TBC1D24: variants seen among roughly 807,000 people sequenced by gnomAD.
The protein encoded by TBC1D24 is TBC1 domain family member 24.
A neutral mutation model predicts 50.7 loss-of-function variants in TBC1D24; 47 were observed. The observed-to-expected ratio is 0.93, with a 90% confidence interval of 0.73 to 1.18. TBC1D24 has a LOEUF of 1.18. Ranked by LOEUF, TBC1D24 falls within the 50% of genes most tolerant of loss-of-function variation. TBC1D24 has a pLI of 0.00. For missense variants in TBC1D24, 688 were observed against 766.5 expected (o/e 0.90, Z 1.21); for synonymous variants, 324 against 335.2 (o/e 0.97, Z 0.36).
Position 2,485,244 on chromosome 16 carries a change from C to T in TBC1D24, c.-116+10074C>T, listed in dbSNP as rs139703676. 258 of 152,234 alleles carry T rather than the reference C, an allele frequency of 1.7e-3. 2 individuals carry two copies. Among genetic ancestry groups the T allele is most frequent in the Middle Eastern group, 3.4e-3 (1 of 296 alleles). The allele number at this position is 152,234 out of a possible 1,614,324, so 9.4% of individuals were successfully genotyped here. A position where few individuals can be genotyped will look rare whatever the true frequency, so the allele number is the denominator to read the frequency against. ...ACTGGAAAGACCAAGGCAGGATTAG[C>T]GGGTTAGAACTTTCAGCCCCACCCC... On this transcript the variant is annotated intron_variant, in intron 1 of 7. Coordinates refer to ENST00000646147, the MANE Select transcript of TBC1D24 (RefSeq NM_001199107.2). The surrounding 1 kb of genome is among the most constrained non-coding windows in gnomAD (Gnocchi z 4.6).
At position 2,496,447 on chromosome 16, in the gene TBC1D24, A is replaced by G. The variant is rs1433544007; in HGVS notation, c.299A>G (p.Gln100Arg). ...LPLPEFVDNT[Q>R]VPSYCLNARG... ...CTGCCCGAGTTCGTGGACAACACGC[A>G]GGTGCCCAGCTACTGCCTGAATGCA... is the stretch of plus-strand genomic sequence containing the variant. The change falls in exon 2 of 8, where the codon CAG becomes CGG. Residue 100 changes from glutamine to arginine, a missense_variant. Coordinates refer to ENST00000646147, the MANE Select transcript of TBC1D24 (RefSeq NM_001199107.2). 2.5e-6 allele frequency: 4 copies of G among 1,612,476 alleles called. No individual in the cohort carries two copies. The highest frequency in any genetic ancestry group is 2.7e-5 in the African/African-American group (2 of 74,944).
At chr16:2,493,311 T>G (rs1275344517) in intron 1 of TBC1D24, among the ~76,000 whole-genome samples, 3 of 151,822 alleles carry the variant, frequency 2.0e-5, no homozygotes, top group Non-Finnish European at 2.9e-5. Context: ...GCTAGTTTTT[T>G]TGTATTTTTA....
intron 1 of TBC1D24, chr16:2,476,862 A>G (rs1459191975): frequency 6.6e-6 from 1 of 152,260 alleles, no homozygotes. Context: ...CCTGTAGGGT[A>G]GCCTTACTAG....
chr16:2,491,029 C>T (rs1275082682), intron 1 of TBC1D24, among the ~76,000 whole-genome samples: 2 of 152,192 alleles, frequency 1.3e-5, no homozygotes, highest in African/African-American at 2.4e-5. Flanking sequence ...CACTCAAGCC[C>T]ATAAGTGCTC....
chr16:2,496,427 C>A lies in TBC1D24; in HGVS notation c.279C>A (p.Pro93=), dbSNP rs1021608042. Residue 93 remains proline, a synonymous_variant, in exon 2 of 8, where the codon CCC becomes CCA. Transcript: ENST00000646147. The stretch of plus-strand genomic sequence containing the variant: ...ACAGCAGCAGCTGCCTGCCGCTGCC[C>A]GAGTTCGTGGACAACACGCAGGTGC... ...GKHSSSCLPL[P]EFVDNTQVPS... is the part of the protein sequence containing the mutation. The A allele has an allele frequency of 1.2e-6, 2 of 1,612,858 alleles. No individual in the cohort carries two copies. The highest frequency in any genetic ancestry group is 1.7e-6 in the Non-Finnish European group (2 of 1,179,960).
At position 2,475,604 on chromosome 16, in the gene TBC1D24, GGCCCC is replaced by G. The variant is rs530408088; in HGVS notation, c.-116+449_-116+453del. ...GCCCTGTGGACCTGCAGCGGCCCCG[GGCCCC>G]GCCCCGCCCCGCCCAGGGATGACAC... is the stretch of plus-strand genomic sequence containing the variant. On this transcript the variant is annotated intron_variant, in intron 1 of 7. Coordinates refer to ENST00000646147, the MANE Select transcript of TBC1D24 (RefSeq NM_001199107.2). This position sits in a 1 kb window ranked among gnomAD's most constrained non-coding sequence, Gnocchi z 4.2. 6.0e-5 allele frequency among the ~76,000 whole-genome samples: 9 copies of G among 151,208 alleles called. No individual in the cohort carries two copies. The South Asian group carries it at 1.7e-3, about 28-fold the overall frequency.
chr16:2,496,173 T>A lies in TBC1D24; in HGVS notation c.25T>A (p.Phe9Ile), dbSNP rs1367059488. 1 of 1,613,768 alleles carries A rather than the reference T, an allele frequency of 6.2e-7. No homozygotes were observed. Among genetic ancestry groups the A allele is most frequent in the African/African-American group, 1.3e-5 (1 of 74,914 alleles). Residue 9 changes from phenylalanine to isoleucine, a missense_variant, in exon 2 of 8, where the codon TTC becomes ATC. Phe to Ile is a conservative substitution (Grantham distance 21). Coordinates refer to ENST00000646147, the MANE Select transcript of TBC1D24 (RefSeq NM_001199107.2). ...TATGGACTCTCCAGGATACAACTGC[T>A]TCGTGGACAAAGACAAGATGGACGC... Reference protein sequence around the residue: MDSPGYNCFVDKDKMDAAI... With the variant: MDSPGYNCIVDKDKMDAAI...
intron 4 of TBC1D24, 27 bp downstream of exon 4, chr16:2,498,423 C>T (rs768896780): frequency 7.0e-6 from 11 of 1,580,860 alleles, no homozygotes; most frequent in African/African-American, 6.7e-5. Flanking sequence ...CCAGAGCGGG[C>T]GGCAGAGCCG....
intron 1 of TBC1D24, among the ~76,000 whole-genome samples, chr16:2,491,266 T>A (rs1471434336): frequency 6.6e-6 from 1 of 152,264 alleles, no homozygotes; most frequent in Admixed American, 6.5e-5. Flanking sequence ...TGGTACTATT[T>A]GACTTTTTGT....
rs1400165650 is a variant in TBC1D24 at position 2,496,568 on chromosome 16, G to A, written c.420G>A (p.Leu140=). ...CCGCCCTGCCGGCCGTGGTGGCCCT[G>A]CTGCTGCACTACAGCATCGACGAGG... ...FCPALPAVVA[L]LLHYSIDEAE... Residue 140 remains leucine (L), a synonymous_variant, in exon 2 of 8, where the codon CTG becomes CTA. Coordinates refer to ENST00000646147, the MANE Select transcript of TBC1D24 (RefSeq NM_001199107.2). The A allele has an allele frequency of 6.8e-6, 11 of 1,608,958 alleles. No homozygotes were observed. The highest frequency in any genetic ancestry group is 5.5e-5 in the South Asian group (5 of 91,080).
chr16:2,493,296 G>A (rs1248098435), intron 1 of TBC1D24, among the ~76,000 whole-genome samples: 2 of 151,512 alleles, frequency 1.3e-5, no homozygotes, highest in South Asian at 2.1e-4. Context: ...CCGCAACCAC[G>A]CCCGGCTAGT....
chr16:2,493,606 C>G (rs191115160), intron 1 of TBC1D24: 4 of 152,212 alleles, frequency 2.6e-5, no homozygotes, highest in African/African-American at 7.2e-5. Context: ...GGTGAATGTT[C>G]TAGCTGCAAG....
Position 2,501,047 on chromosome 16 carries a change from C to A in TBC1D24, c.*89C>A. ...GGCAGCAGAGAGCAGATGAAACCCCCATGTGGTAGGCAGGGTTGGGGGACG... is the reference window on the plus strand; with the variant it reads ...GGCAGCAGAGAGCAGATGAAACCCCAATGTGGTAGGCAGGGTTGGGGGACG... On this transcript the variant is annotated 3_prime_UTR_variant, in exon 8 of 8. Coordinates refer to ENST00000646147, the MANE Select transcript of TBC1D24 (RefSeq NM_001199107.2). The A allele has an allele frequency of 6.5e-7, 1 of 1,542,302 alleles. No individual in the cohort carries two copies. The highest frequency in any genetic ancestry group is 8.8e-7 in the Non-Finnish European group (1 of 1,137,804).
At position 2,496,186 on chromosome 16, in the gene TBC1D24, A is replaced by G. The variant is rs1215143722; in HGVS notation, c.38A>G (p.Asp13Gly). 6.2e-7 allele frequency: 1 copy of G among 1,613,870 alleles called. No homozygotes were observed. Among genetic ancestry groups the G allele is most frequent in the East Asian group, 2.2e-5 (1 of 44,892 alleles). Residue 13 changes from aspartate to glycine, a missense_variant, in exon 2 of 8, where the codon GAC becomes GGC. By Grantham distance (94) the Asp-to-Gly change is moderately conservative. Coordinates refer to ENST00000646147, the MANE Select transcript of TBC1D24 (RefSeq NM_001199107.2). ...SPGYNCFVDK[D>G]KMDAAIQDLG... ...GGATACAACTGCTTCGTGGACAAAGACAAGATGGACGCTGCCATCCAGGAC... is the reference window on the plus strand; with the variant it reads ...GGATACAACTGCTTCGTGGACAAAGGCAAGATGGACGCTGCCATCCAGGAC...
Position 2,499,782 on chromosome 16 carries a change from A to C in TBC1D24, c.1207-53A>C. 6.7e-7 allele frequency: 1 copy of C among 1,497,906 alleles called. No individual in the cohort carries two copies. The highest frequency in any genetic ancestry group is 9.3e-7 in the Non-Finnish European group (1 of 1,073,920). The allele number at this position is 1,497,906 out of a possible 1,614,324, so 92.8% of individuals were successfully genotyped here. On this transcript the variant is annotated intron_variant, in intron 5 of 7. Transcript: ENST00000646147. The surrounding 1 kb of genome is among the most constrained non-coding windows in gnomAD (Gnocchi z 4.0). The stretch of plus-strand genomic sequence containing the variant: ...CAGGCCCGTCAGTAGTCTGGAGCAC[A>C]GGGACGCTCCTGGGGGCCTGCGGGC...
Position 2,496,456 on chromosome 16 carries a change from G to A in TBC1D24, c.308G>A (p.Ser103Asn), listed in dbSNP as rs764451944. ...TTCGTGGACAACACGCAGGTGCCCA[G>A]CTACTGCCTGAATGCACGCGGCGAG... ...PEFVDNTQVPSYCLNARGEGA... is the reference protein window; with the variant it reads ...PEFVDNTQVPNYCLNARGEGA... The change falls in exon 2 of 8, where the codon AGC becomes AAC. Residue 103 changes from serine to asparagine, a missense_variant. Physicochemically the swap from Ser to Asn is conservative, Grantham distance 46. Transcript: ENST00000646147. 3.7e-6 allele frequency: 6 copies of A among 1,612,398 alleles called. No homozygotes were observed. The highest frequency in any genetic ancestry group is 5.1e-6 in the Non-Finnish European group (6 of 1,179,970).
intron 1 of TBC1D24, 40 bp from the exon 2 acceptor site, chr16:2,495,994 T>C: frequency 2.1e-6 from 2 of 959,574 alleles, no homozygotes; most frequent in Non-Finnish European, 3.1e-6. Context: ...AATGTGAACC[T>C]TGAAACACAG....
intron 1 of TBC1D24, among the ~76,000 whole-genome samples, chr16:2,493,435 G>A (rs2065712816): frequency 6.6e-6 from 1 of 152,108 alleles, no homozygotes; most frequent in Admixed American, 6.5e-5. Context: ...CACCGCGTCC[G>A]GCCTAACATG....
chr16:2,488,336 G>A (rs941827324), intron 1 of TBC1D24, among the ~76,000 whole-genome samples: 10 of 152,258 alleles, frequency 6.6e-5, no homozygotes, highest in Non-Finnish European at 1.2e-4. Flanking sequence ...GGGTCTGCAA[G>A]CCTGTAGCCA....
Sources: allele counts gnomAD v4.1 joint callset (sites outside exome capture counted in the v4.1 genomes callset), GRCh38; gene constraint gnomAD v4.1.1; non-coding constraint Gnocchi (gnomAD v3.1); transcripts MANE v1.5; gene names NCBI Gene and HGNC (gene_info 2026-07-23, HGNC 2026-07-21).